The following STX18 variants were observed in gnomAD, a reference collection of about 807,000 sequenced individuals.
The protein encoded by STX18 is syntaxin-18.
A neutral mutation model predicts 50.1 loss-of-function variants in STX18; 40 were observed. The observed-to-expected ratio is 0.80, with a 90% CI of 0.62 to 1.04. The LOEUF is 1.04. Among genes scored for constraint, STX18 ranks in the 50% least tolerant of loss-of-function variants. The probability of loss-of-function intolerance (pLI) is 0.00; values close to 1 mark genes in which losing one functional copy is unlikely to be tolerated. For missense variants in STX18, 410 were observed against 415.8 expected, an observed-to-expected ratio of 0.99 and a Z score of 0.12; for synonymous variants, 158 against 151.8, an observed-to-expected ratio of 1.04 and a Z score of -0.30.
chr4:4,541,881 G>C lies in STX18; in HGVS notation c.84C>G (p.Gly28=). The change falls in exon 1 of 11, where the codon GGC becomes GGG. Residue 28 remains glycine (G), a synonymous_variant. Transcript: ENST00000306200. ...CGTCCCGGCTGCCATCGACCCCGCCGCCCACCGCCACTCCCAGCGCCTTGT... is the reference window on the plus strand; with the variant it reads ...CGTCCCGGCTGCCATCGACCCCGCCCCCCACCGCCACTCCCAGCGCCTTGT... ...TRNKALGVAV[G]GGVDGSRDEL... is the part of the protein sequence containing the mutation. 1 of 1,602,650 alleles carries C rather than the reference G, an allele frequency of 6.2e-7. No individual in the cohort carries two copies. The highest frequency in any genetic ancestry group is 8.5e-7 in the Non-Finnish European group (1 of 1,172,832).
chr4:4,459,347 G>T, intron 3 of STX18, 25 bp downstream of exon 3: 1 of 1,558,888 alleles, frequency 6.4e-7, no homozygotes, highest in Non-Finnish European at 8.8e-7. Context: ...ATGGTTGCTT[G>T]TTTGCATCTT....
At chr4:4,433,338 T>C (rs1048355644) in intron 7 of STX18, among the ~76,000 whole-genome samples, 4 of 152,106 alleles carry the variant, frequency 2.6e-5, no homozygotes, top group African/African-American at 9.7e-5. Flanking sequence ...ATAGCTTTTA[T>C]GTTATACTCA....
intron 1 of STX18, chr4:4,507,818 A>AG: frequency 2.4e-6 from 1 of 414,742 alleles, no homozygotes; most frequent in Non-Finnish European, 4.2e-6. Context: ...TTCACAGTAA[A>AG]AAAAAAAAAA....
chr4:4,510,945 T>A (rs947247236), intron 1 of STX18, among the ~76,000 whole-genome samples: 15 of 149,674 alleles, frequency 1.0e-4, no homozygotes, highest in African/African-American at 2.7e-4. Context: ...TAAGTGGGAA[T>A]TGAACAAGGA....
At chr4:4,495,940 T>C (rs1368404878) in intron 1 of STX18, among the ~76,000 whole-genome samples, 3 of 152,202 alleles carry the variant, frequency 2.0e-5, no homozygotes, top group African/African-American at 4.8e-5. Flanking sequence ...TTTGAAATAC[T>C]GGGAAGGTGA....
In STX18 at chr4:4,484,452, G is replaced by A. The variant is rs918921349; in HGVS notation, c.169-12746C>T. Among the ~76,000 whole-genome samples the A allele has an allele frequency of 7.9e-5, 12 of 152,148 alleles. No individual in the cohort carries two copies. The East Asian group carries it at 2.3e-3, about 29-fold the overall frequency. Reference sequence around the variant, plus strand: ...TTCCATGAGTGCTGCTGATAAACTAGGTCTTCATTATATGCACATTTTTCC... The same window carrying A: ...TTCCATGAGTGCTGCTGATAAACTAAGTCTTCATTATATGCACATTTTTCC... On this transcript the variant is annotated intron_variant, in intron 1 of 10. Transcript: ENST00000306200.
In STX18 at chr4:4,518,318, G is replaced by A. The variant is rs556786970; in HGVS notation, c.168+23479C>T. ...TTGTAGAAAATTATTAACAATGTTC[G>A]TCCTTACTCTCCTGAGAGCTCATGC... On this transcript the variant is annotated intron_variant, in intron 1 of 10. Coordinates refer to ENST00000306200, the MANE Select transcript of STX18 (RefSeq NM_016930.4). Among the ~76,000 whole-genome samples, 6 of 152,274 alleles carry A rather than the reference G, an allele frequency of 3.9e-5. No individual in the cohort carries two copies. The East Asian group carries it at 7.7e-4, about 20-fold the overall frequency.
At chr4:4,473,349 G>T (rs1728018830) in intron 1 of STX18, among the ~76,000 whole-genome samples, 1 of 147,906 alleles carries the variant, frequency 6.8e-6, no homozygotes, top group Non-Finnish European at 1.5e-5. Context: ...CTGGAGTGCA[G>T]TGGTGCCATC....
At chr4:4,507,487 G>A (rs1457382734) in intron 1 of STX18, 10 of 764,188 alleles carry the variant, frequency 1.3e-5, no homozygotes, top group Middle Eastern at 3.7e-4. Context: ...TATCTTTATC[G>A]CTCAGAGGAG....
At chr4:4,441,599 A>G (rs1465621588) in intron 5 of STX18, among the ~76,000 whole-genome samples, 5 of 152,224 alleles carry the variant, frequency 3.3e-5, no homozygotes, top group African/African-American at 7.2e-5. Flanking sequence ...AAAAACCAAA[A>G]AAGATTCCTG....
chr4:4,479,512 C>A (rs988465427), intron 1 of STX18, among the ~76,000 whole-genome samples: 1 of 152,150 alleles, frequency 6.6e-6, no homozygotes, highest in Non-Finnish European at 1.5e-5. Context: ...GAACTAACAG[C>A]CACAATCCAG....
chr4:4,419,882 T>C lies in STX18; in HGVS notation c.*152A>G, dbSNP rs1396780456. 1 of 665,706 alleles carries C rather than the reference T, an allele frequency of 1.5e-6. No individual in the cohort carries two copies. Among genetic ancestry groups the C allele is most frequent in the African/African-American group, 1.8e-5 (1 of 55,242 alleles). 41.2% of individuals were successfully genotyped at this position (665,706 alleles called of 1,614,324 possible). ...ACCATCGGCCTGGGGTATCCCTTTT[T>C]GGGGAATACGTCTGTCTGTCTGAAC... On this transcript the variant is annotated 3_prime_UTR_variant, in exon 11 of 11. Transcript: ENST00000306200.
In STX18 at chr4:4,419,193, T is replaced by C. The variant is rs1392374715; in HGVS notation, c.*841A>G. 1 of 152,226 alleles carries C rather than the reference T, an allele frequency of 6.6e-6. No homozygotes were observed. The highest frequency in any genetic ancestry group is 1.5e-5 in the Non-Finnish European group (1 of 68,030). 9.4% of individuals were successfully genotyped at this position (152,226 alleles called of 1,614,324 possible). ...GCCTTCAGTTACACATAGGTGTTCC[T>C]GTTTACAGTTCCTGGAGGTCAGAAG... On this transcript the variant is annotated 3_prime_UTR_variant, in exon 11 of 11. Transcript: ENST00000306200.
intron 1 of STX18, among the ~76,000 whole-genome samples, chr4:4,503,070 A>G (rs946021801): frequency 6.6e-6 from 1 of 152,198 alleles, no homozygotes; most frequent in Non-Finnish European, 1.5e-5. Flanking sequence ...CAAAATTAAT[A>G]GAGAATCTAA....
chr4:4,531,292 A>C (rs1455825759), intron 1 of STX18, among the ~76,000 whole-genome samples: 1 of 152,170 alleles, frequency 6.6e-6, no homozygotes, highest in African/African-American at 2.4e-5. Context: ...TGCTGTGTTG[A>C]CAACACTTTT....
chr4:4,432,980 G>C (rs28699667), intron 7 of STX18, among the ~76,000 whole-genome samples: 26,581 of 152,192 alleles, frequency 0.17, 2,526 homozygotes, highest in African/African-American at 0.25. Context: ...TCTCTGCCTG[G>C]CTGGCCTGTG....
chr4:4,459,667 C>T (rs1727274652), intron 2 of STX18, among the ~76,000 whole-genome samples, 180 bp from the exon 3 acceptor site: 1 of 152,162 alleles, frequency 6.6e-6, no homozygotes, highest in South Asian at 2.1e-4. Context: ...TAGTAGAACA[C>T]ATATGAAGGG....
At chr4:4,523,699 G>C (rs552287417) in intron 1 of STX18, among the ~76,000 whole-genome samples, 4 of 152,194 alleles carry the variant, frequency 2.6e-5, no homozygotes, top group African/African-American at 9.6e-5. Context: ...CTTGATTACT[G>C]CAACAGCTCA....
intron 2 of STX18, among the ~76,000 whole-genome samples, chr4:4,470,973 G>T (rs936610297): frequency 6.6e-6 from 1 of 152,204 alleles, no homozygotes; most frequent in Non-Finnish European, 1.5e-5. Context: ...CTACTGAGTA[G>T]AAACTAGACT....
Sources: allele counts gnomAD v4.1 joint callset (sites outside exome capture counted in the v4.1 genomes callset), GRCh38; gene constraint gnomAD v4.1.1; transcripts MANE v1.5; gene names NCBI Gene and HGNC (gene_info 2026-07-23, HGNC 2026-07-21).